The following COL24A1 variants were observed in gnomAD, a reference collection of about 807,000 sequenced individuals.
The protein encoded by COL24A1 is collagen alpha-1(XXIV) chain.
COL24A1 carries 224 observed loss-of-function variants against 253.9 expected under a neutral mutation model. The observed-to-expected ratio is 0.88, with a 90% CI of 0.79 to 0.99. The LOEUF (loss-of-function observed/expected upper bound fraction) is 0.99. Ranked by LOEUF, COL24A1 falls within the 50% of genes least tolerant of loss-of-function variation. The pLI is 0.00. For synonymous variants in COL24A1, 685 were observed against 673.7 expected (o/e 1.02, Z -0.26); for missense variants, 2,131 against 2,068.5 (o/e 1.03, Z -0.59).
intron 35 of COL24A1, 22 bp downstream of exon 35, chr1:85,874,627 A>T: frequency 6.2e-7 from 1 of 1,610,236 alleles, no homozygotes; most frequent in Non-Finnish European, 8.5e-7. Context: ...GTGTATTAAA[A>T]GAGTTTCAAG....
At chr1:85,884,432 C>T (rs1161763179) in intron 32 of COL24A1, among the ~76,000 whole-genome samples, 1 of 152,060 alleles carries the variant, frequency 6.6e-6, no homozygotes, top group Non-Finnish European at 1.5e-5. Flanking sequence ...TTTAGCCTTT[C>T]TGAGGGACTC....
At chr1:86,034,046 A>G (rs1698806696) in intron 12 of COL24A1, 123 bp from the exon 13 acceptor site, 2 of 647,354 alleles carry the variant, frequency 3.1e-6, no homozygotes, top group Non-Finnish European at 4.9e-6. Flanking sequence ...TAATGCAACA[A>G]ACATTCTTTT....
At chr1:86,003,350 A>G (rs1416748578) in intron 19 of COL24A1, among the ~76,000 whole-genome samples, 1 of 152,194 alleles carries the variant, frequency 6.6e-6, no homozygotes, top group Non-Finnish European at 1.5e-5. Context: ...AATGTTATAT[A>G]CAGAATTGAA....
rs536314007 is a variant in COL24A1 at position 86,065,812 on chromosome 1, A to T, written c.1708-2053T>A. Among the ~76,000 whole-genome samples, 608 of 151,698 alleles carry T rather than the reference A, an allele frequency of 4.0e-3. 2 individuals carry two copies. Among genetic ancestry groups the T allele is most frequent in the African/African-American group, 0.013 (556 of 41,330 alleles). On this transcript the variant is annotated intron_variant, in intron 7 of 59. Transcript: ENST00000370571. ...CTGGGCCAATAAAAATCTCTTTTTT[A>T]AAAAAATGAAGTTGATTAAAACAAC...
At position 85,934,910 on chromosome 1, in the gene COL24A1, T is replaced by C. The variant is rs149793915; in HGVS notation, c.2563-23477A>G. ...GTCAATATATACCAAGAATTTACAT[T>C]AAAAATATTTCAAAACACTGATTCC... On this transcript the variant is annotated intron_variant, in intron 24 of 59. Transcript: ENST00000370571. Among the ~76,000 whole-genome samples the C allele has an allele frequency of 2.4e-4, 36 of 152,012 alleles. 1 individual carries two copies. The East Asian group carries it at 6.2e-3, about 26-fold the overall frequency.
At chr1:85,852,918 G>A (rs1677950296) in intron 37 of COL24A1, among the ~76,000 whole-genome samples, 1 of 152,112 alleles carries the variant, frequency 6.6e-6, no homozygotes, top group South Asian at 2.1e-4. Flanking sequence ...TCGAGTTACT[G>A]GAAGTACAGG....
intron 47 of COL24A1, among the ~76,000 whole-genome samples, chr1:85,786,973 A>T (rs1669747616): frequency 6.6e-6 from 1 of 152,262 alleles, no homozygotes; most frequent in Admixed American, 6.5e-5. Flanking sequence ...CACTTTGCAA[A>T]CTAAATTCAG....
At chr1:85,863,532 A>G (rs943864728) in intron 37 of COL24A1, among the ~76,000 whole-genome samples, 6 of 152,208 alleles carry the variant, frequency 3.9e-5, no homozygotes, top group Admixed American at 3.9e-4. Context: ...AATAGCAACA[A>G]AAGCCAAAAT....
chr1:85,799,602 T>G (rs1165315456), intron 47 of COL24A1, among the ~76,000 whole-genome samples: 1 of 152,186 alleles, frequency 6.6e-6, no homozygotes, highest in Non-Finnish European at 1.5e-5. Context: ...GAATGATTCC[T>G]TATAAAGCAC....
intron 14 of COL24A1, among the ~76,000 whole-genome samples, chr1:86,029,180 A>G (rs542094237): frequency 2.6e-5 from 4 of 151,794 alleles, no homozygotes; most frequent in East Asian, 3.9e-4. Flanking sequence ...AGAGTTTCTC[A>G]GAAAGGACTA....
chr1:86,095,889 T>C (rs1571901473), intron 5 of COL24A1, among the ~76,000 whole-genome samples: 2 of 152,128 alleles, frequency 1.3e-5, no homozygotes, highest in Non-Finnish European at 2.9e-5. Flanking sequence ...AGTAAGTCTT[T>C]TAGTCCATTA....
intron 5 of COL24A1, among the ~76,000 whole-genome samples, chr1:86,093,858 C>A (rs190242945): frequency 6.6e-6 from 1 of 151,914 alleles, no homozygotes; most frequent in Admixed American, 6.6e-5. Context: ...CAAAAGAGGA[C>A]ATAAATGCAG....
chr1:86,089,570 A>G (rs12757983), intron 6 of COL24A1, among the ~76,000 whole-genome samples: 20,120 of 152,204 alleles, frequency 0.13, 1,373 homozygotes, highest in Middle Eastern at 0.21. Flanking sequence ...CTGTAATCCT[A>G]GCACTTTGGG....
chr1:86,055,764 AATGAG>A (rs1700619074), intron 10 of COL24A1, among the ~76,000 whole-genome samples: 1 of 152,174 alleles, frequency 6.6e-6, no homozygotes, highest in South Asian at 2.1e-4. Flanking sequence ...TTTAATAAAT[AATGAG>A]ATAAGAAAAA....
intron 19 of COL24A1, among the ~76,000 whole-genome samples, chr1:86,010,584 T>C (rs912604978): frequency 2.6e-5 from 4 of 152,162 alleles, no homozygotes; most frequent in African/African-American, 4.8e-5. Context: ...AGCAATCCAA[T>C]TCTAGCAATT....
intron 11 of COL24A1, among the ~76,000 whole-genome samples, chr1:86,047,405 A>C (rs1296537023): frequency 6.6e-6 from 1 of 152,212 alleles, no homozygotes; most frequent in East Asian, 1.9e-4. Flanking sequence ...AAGAAGCAGT[A>C]GGGTACAGTA....
intron 3 of COL24A1, 32 bp downstream of exon 3, chr1:86,124,813 T>C: frequency 6.8e-7 from 1 of 1,469,662 alleles, no homozygotes. Flanking sequence ...TAAGTTAGCA[T>C]ATTAGGAGAT....
At chr1:86,148,987 T>A (rs1652343668) in intron 1 of COL24A1, among the ~76,000 whole-genome samples, 1 of 152,156 alleles carries the variant, frequency 6.6e-6, no homozygotes, top group African/African-American at 2.4e-5. Flanking sequence ...GTGTTCCTAT[T>A]TCTCCACATC....
rs149491072 is a variant in COL24A1, at chr1:85,805,406, T to C, written c.3951+11382A>G. 2.3e-3 allele frequency among the ~76,000 whole-genome samples: 353 copies of C among 152,284 alleles called. 1 individual carries two copies. Among genetic ancestry groups the C allele is most frequent in the Non-Finnish European group, 3.5e-3 (239 of 68,020 alleles). On this transcript the variant is annotated intron_variant, in intron 47 of 59. Transcript: ENST00000370571. ...AATAGAATCACAACAGCAAATTATT[T>C]GAAATAAAAAATTCAGCCATATTAG...
Sources: allele counts gnomAD v4.1 joint callset (sites outside exome capture counted in the v4.1 genomes callset), GRCh38; gene constraint gnomAD v4.1.1; transcripts MANE v1.5; gene names NCBI Gene and HGNC (gene_info 2026-07-23, HGNC 2026-07-21).